Variants in KIF1A observed in about 807,000 individuals in gnomAD.
The protein encoded by KIF1A is kinesin-like protein KIF1A.
In KIF1A, 46 loss-of-function variants were observed where a neutral mutation model predicts 227.3. The observed-to-expected ratio is 0.20, with a 90% CI of 0.16 to 0.26. The LOEUF is 0.26. KIF1A is among the 10% of genes least tolerant of loss of function. The probability of loss-of-function intolerance (pLI) is 1.00; values close to 1 mark genes in which losing one functional copy is unlikely to be tolerated. For missense variants in KIF1A, 1,683 were observed against 2,485.9 expected (o/e 0.68, Z 6.87); for synonymous variants, 1,022 against 1,012.8 (o/e 1.01, Z -0.17).
chr2:240,821,205 C>T (rs994496196), upstream of KIF1A, among the ~76,000 whole-genome samples: 1 of 152,230 alleles, frequency 6.6e-6, no homozygotes, highest in Non-Finnish European at 1.5e-5. Context: ...AGCCCAGCCC[C>T]TGCCATCGAG....
chr2:240,749,566 G>A (rs1227324238), intron 28 of KIF1A, among the ~76,000 whole-genome samples: 3 of 152,190 alleles, frequency 2.0e-5, no homozygotes, highest in Non-Finnish European at 2.9e-5. Flanking sequence ...GGAGGAGCCC[G>A]GGGCAGGCAG....
intron 10 of KIF1A, among the ~76,000 whole-genome samples, 191 bp downstream of exon 10, chr2:240,782,399 C>T (rs1423433911): frequency 3.9e-5 from 6 of 152,316 alleles, no homozygotes; most frequent in African/African-American, 1.2e-4. Context: ...GGACGCCCTC[C>T]GTCCCCGCAG....
chr2:240,755,928 G>T (rs1180963666), intron 27 of KIF1A, among the ~76,000 whole-genome samples: 1 of 151,982 alleles, frequency 6.6e-6, no homozygotes, highest in Non-Finnish European at 1.5e-5. Context: ...GCTCCCTCTT[G>T]GGCCCTGCAG....
Position 240,728,096 on chromosome 2 carries a change from G to A in KIF1A, c.4008-1156C>T, listed in dbSNP as rs1450160849. On this transcript the variant is annotated intron_variant, in intron 38 of 48. Transcript: ENST00000498729. ...CGGCCACGCAGGCTCCAAGGCGGCC[G>A]GGCCCCTCCCGAGACCGCGGTGGAG... 3.3e-5 allele frequency among the ~76,000 whole-genome samples: 5 copies of A among 152,196 alleles called. 1 individual carries two copies. The highest frequency in any genetic ancestry group is 6.5e-5 in the Admixed American group (1 of 15,284).
rs371393071 is a variant in KIF1A at position 240,783,036 on chromosome 2, C to A, written c.864+8G>T. ...TTCTGGCTATGGAAGCCGGGCCGGG[C>A]CACTCACCATTTCAGCCAGGGCGGA... On this transcript the variant is annotated splice_region_variant and intron_variant, in intron 9 of 48. Transcript: ENST00000498729. 6.8e-6 allele frequency: 11 copies of A among 1,610,850 alleles called. No individual in the cohort carries two copies. The highest frequency in any genetic ancestry group is 9.3e-6 in the Non-Finnish European group (11 of 1,177,438).
chr2:240,723,122 C>T (rs1003509464), intron 42 of KIF1A, among the ~76,000 whole-genome samples: 2 of 152,202 alleles, frequency 1.3e-5, no homozygotes, highest in African/African-American at 2.4e-5. Context: ...CCCAGCCCCG[C>T]GACTCTCCTT....
At chr2:240,785,152 G>A (rs536264826) in intron 6 of KIF1A, 52 bp from the exon 7 acceptor site, 175 of 1,443,214 alleles carry the variant, frequency 1.2e-4, no homozygotes, top group Non-Finnish European at 1.5e-4. Context: ...GGCCGGGTGC[G>A]AGATCGCCGG....
intron 1 of KIF1A, among the ~76,000 whole-genome samples, 191 bp downstream of exon 1, chr2:240,819,931 G>C (rs1291606938): frequency 6.6e-6 from 1 of 152,162 alleles, no homozygotes; most frequent in Non-Finnish European, 1.5e-5. Flanking sequence ...TGTTCTCTGC[G>C]GAGATGGAGG....
At position 240,745,825 on chromosome 2, in the gene KIF1A, C is replaced by T. The variant is rs780970120; in HGVS notation, c.3287G>A (p.Arg1096His). Residue 1096 changes from arginine (R) to histidine (H), a missense_variant, in exon 31 of 49, where the codon CGC (arginine) becomes CAC (histidine). By Grantham distance (29) the Arg-to-His change is conservative. Transcript: ENST00000498729. ...GPLDAALDHL[R>H]LGNTFTFRVT... is the part of the protein sequence containing the mutation. ...ACGGAAGGTGAAGGTGTTGCCCAGG[C>T]GGAGGTGGTCCAGGGCAGCATCCAG... The T allele has an allele frequency of 8.1e-6, 13 of 1,612,684 alleles. No individual in the cohort carries two copies. Among genetic ancestry groups the T allele is most frequent in the South Asian group, 2.2e-5 (2 of 90,862 alleles).
intron 25 of KIF1A, 126 bp downstream of exon 25, chr2:240,760,539 G>A: frequency 1.5e-5 from 9 of 604,594 alleles, no homozygotes; most frequent in Non-Finnish European, 2.3e-5. Context: ...TAAAATAATT[G>A]GAACAGGAGG....
At chr2:240,812,758 G>A (rs148886646) in intron 1 of KIF1A, among the ~76,000 whole-genome samples, 4,179 of 124,356 alleles carry the variant, frequency 0.034, 6 homozygotes, top group Non-Finnish European at 0.036. Context: ...TCGGGGATCC[G>A]CCTTCACCTT....
rs940777865 is a variant in KIF1A at position 240,778,343 on chromosome 2, G to T, written c.883-2417C>A. 6.6e-6 allele frequency among the ~76,000 whole-genome samples: 1 copy of T among 151,636 alleles called. No individual in the cohort carries two copies. The highest frequency in any genetic ancestry group is 1.5e-5 in the Non-Finnish European group (1 of 67,932). ...AGGCGTTCCTCACCATTCTCCACAC[G>T]CCAGTCCCCACCGTCCCTGACACAC... On this transcript the variant is annotated intron_variant, in intron 10 of 48. Coordinates refer to ENST00000498729, the MANE Select transcript of KIF1A (RefSeq NM_001244008.2). This position sits in a 1 kb window ranked among gnomAD's most constrained non-coding sequence, Gnocchi z 7.2.
chr2:240,721,397 C>T (rs2045362523), intron 44 of KIF1A, among the ~76,000 whole-genome samples: 1 of 152,236 alleles, frequency 6.6e-6, no homozygotes, highest in Non-Finnish European at 1.5e-5. Flanking sequence ...AGGGCTGGAG[C>T]TCCACGCATA....
chr2:240,729,054 G>A (rs1187812314), intron 38 of KIF1A, among the ~76,000 whole-genome samples: 1 of 152,114 alleles, frequency 6.6e-6, no homozygotes, highest in African/African-American at 2.4e-5. Context: ...TCTGGTACAC[G>A]TCAGCACCGC....
intron 12 of KIF1A, among the ~76,000 whole-genome samples, chr2:240,773,769 G>A (rs1317533791): frequency 6.6e-6 from 1 of 152,132 alleles, no homozygotes; most frequent in Non-Finnish European, 1.5e-5. Flanking sequence ...CCAAACAACC[G>A]AGCAGCCTCT....
At position 240,716,478 on chromosome 2, in the gene KIF1A, A is replaced by AT. The variant is rs2044608562; in HGVS notation, c.*885dup. On this transcript the variant is annotated 3_prime_UTR_variant, in exon 49 of 49. Transcript: ENST00000498729. ...CCCAGAGTCTGCACACTGGCAGGTG[A>AT]TCCCGACCCCGCTCCCTCCTGGTCC... is the stretch of plus-strand genomic sequence containing the variant. 1 of 152,282 alleles carries AT rather than the reference A, an allele frequency of 6.6e-6. No individual in the cohort carries two copies. The highest frequency in any genetic ancestry group is 1.5e-5 in the Non-Finnish European group (1 of 68,150). The allele number at this position is 152,282 out of a possible 1,614,324, so 9.4% of individuals were successfully genotyped here.
chr2:240,737,073 G>C lies in KIF1A; in HGVS notation c.3997C>G (p.Gln1333Glu), dbSNP rs771305569. Residue 1333 changes from glutamine (Q) to glutamate (E), a missense_variant, in exon 38 of 49, where the codon CAA becomes GAA. By Grantham distance (29) the Gln-to-Glu change is conservative (BLOSUM62 2). Transcript: ENST00000498729. ...ILSSGYIHPA[Q>E]DDRTFYQFEA... ...GAGTCTCCGACTCACCGGTCATCTT[G>C]GGCTGGGTGGATGTATCCGGAAGAG... 6.2e-7 allele frequency: 1 copy of C among 1,612,428 alleles called. No individual in the cohort carries two copies.
At position 240,780,259 on chromosome 2, in the gene KIF1A, G is replaced by A. The variant is rs572510094; in HGVS notation, c.882+2331C>T. On this transcript the variant is annotated intron_variant, in intron 10 of 48. Transcript: ENST00000498729. ...TCCCCGAGCAGCTGCATGGCTCCTC[G>A]GCGTCCCTCACACGATTCCCACGCG... Among the ~76,000 whole-genome samples the A allele has an allele frequency of 7.3e-4, 111 of 151,674 alleles. 1 individual carries two copies. The highest frequency in any genetic ancestry group is 6.3e-3 in the South Asian group (30 of 4,792).
intron 33 of KIF1A, among the ~76,000 whole-genome samples, chr2:240,743,428 G>A (rs1055966596): frequency 3.9e-5 from 6 of 152,194 alleles, no homozygotes; most frequent in African/African-American, 4.8e-5. Flanking sequence ...CTTGGCCCAG[G>A]GTAGACACTC....
Sources: allele counts gnomAD v4.1 joint callset (sites outside exome capture counted in the v4.1 genomes callset), GRCh38; gene constraint gnomAD v4.1.1; non-coding constraint Gnocchi (gnomAD v3.1); transcripts MANE v1.5; gene names NCBI Gene and HGNC (gene_info 2026-07-23, HGNC 2026-07-21).